The following BRD8 variants were observed in gnomAD, a reference collection of about 807,000 sequenced individuals.
BRD8 encodes bromodomain containing 8, also known as bromodomain-containing protein 8.
Under a neutral mutation model 143.1 loss-of-function variants are expected in BRD8, and 67 were observed. That is an observed-to-expected ratio of 0.47 (90% CI 0.38 to 0.57). BRD8 has a LOEUF of 0.57. Among genes scored for constraint, BRD8 ranks in the 20% least tolerant of loss-of-function variants. The pLI, the probability that BRD8 is intolerant of heterozygous loss-of-function variation, is 0.00. For missense variants in BRD8, 1,103 were observed against 1,503.0 expected (o/e 0.73, Z 4.40); for synonymous variants, 505 against 517.1 (o/e 0.98, Z 0.32).
chr5:138,171,338 G>C (rs770527839), intron 4 of BRD8, 23 bp downstream of exon 4: 7 of 1,590,350 alleles, frequency 4.4e-6, no homozygotes, highest in Non-Finnish European at 6.0e-6. Context: ...AAATATGGCT[G>C]AAGTACCTGG....
chr5:138,169,057 T>C (rs1430829406), intron 8 of BRD8, among the ~76,000 whole-genome samples, 165 bp downstream of exon 8: 2 of 152,264 alleles, frequency 1.3e-5, no homozygotes, highest in African/African-American at 4.8e-5. Flanking sequence ...TCAATGCTTT[T>C]AGGTCCGTTC....
Position 138,163,194 on chromosome 5 carries a change from T to C in BRD8, c.2023A>G (p.Asn675Asp), listed in dbSNP as rs1408218437. 6.2e-7 allele frequency: 1 copy of C among 1,613,944 alleles called. No individual in the cohort carries two copies. The highest frequency in any genetic ancestry group is 8.5e-7 in the Non-Finnish European group (1 of 1,180,032). The change falls in exon 15 of 27, where the codon AAT (asparagine) becomes GAT (aspartate). Residue 675 changes from asparagine (N) to aspartate (D), a missense_variant. Asn to Asp is a conservative substitution (Grantham distance 23). Coordinates refer to ENST00000254900, the MANE Select transcript of BRD8 (RefSeq NM_139199.2). ...AGTGTGTGTGACTGCAGTGTAGCAT[T>C]GTGTATGCTGAAGCCATCATCACTC... ...SESDDGFSIH[N>D]ATLQSHTLAD...
At chr5:138,165,556 C>G (rs1013969560) in intron 11 of BRD8, among the ~76,000 whole-genome samples, 1 of 152,070 alleles carries the variant, frequency 6.6e-6, no homozygotes, top group Non-Finnish European at 1.5e-5. Flanking sequence ...TAAAACTCAT[C>G]TCTACTAAAA....
chr5:138,157,114 G>A (rs967944352), intron 20 of BRD8: 1 of 1,590,362 alleles, frequency 6.3e-7, no homozygotes, highest in South Asian at 1.1e-5. Flanking sequence ...CTCCTCTTCT[G>A]TAACTTCCAC....
Position 138,144,914 on chromosome 5 carries a change from A to AT in BRD8, c.3437+262_3437+263insA, listed in dbSNP as rs1300352644. On this transcript the variant is annotated intron_variant, in intron 25 of 26. Coordinates refer to ENST00000254900, the MANE Select transcript of BRD8 (RefSeq NM_139199.2). ...AGACCCTGTCAAAAAAAAAAAAAAA[A>AT]AAAAATATATATATATATAGAATGG... is the stretch of plus-strand genomic sequence containing the variant. Among the ~76,000 whole-genome samples, 791 of 142,670 alleles carry AT rather than the reference A, an allele frequency of 5.5e-3. 2 individuals are homozygous for AT. The highest frequency in any genetic ancestry group is 0.015 in the Middle Eastern group (4 of 272). 93.6% of individuals were successfully genotyped at this position (142,670 alleles called of 152,430 possible).
intron 4 of BRD8, 38 bp from the exon 5 acceptor site, chr5:138,171,198 A>C: frequency 6.3e-7 from 1 of 1,586,490 alleles, no homozygotes; most frequent in Non-Finnish European, 8.6e-7. Flanking sequence ...ATATTCAAAT[A>C]ACATAACATT....
chr5:138,155,073 C>T (rs1026873639), intron 20 of BRD8, among the ~76,000 whole-genome samples: 6 of 152,148 alleles, frequency 3.9e-5, no homozygotes, highest in East Asian at 2.0e-4. Flanking sequence ...TCAAGTGATC[C>T]GCCCACCTTG....
rs754201802 is a variant in BRD8 at position 138,152,466 on chromosome 5, AAG to A, written c.2856+14_2856+15del. The A allele has an allele frequency of 6.2e-6, 10 of 1,611,432 alleles. No homozygotes were observed. In the African/African-American group the frequency reaches 1.3e-4, roughly 22 times the overall value. On this transcript the variant is annotated intron_variant, in intron 21 of 26. Coordinates refer to ENST00000254900, the MANE Select transcript of BRD8 (RefSeq NM_139199.2). Reference sequence around the variant, plus strand: ...TTGAGGCTTTTCCAGCTTTGGAAATAAGAGCTCACTGTTACCTCAGAGAGAAA... The same window carrying A: ...TTGAGGCTTTTCCAGCTTTGGAAATAAGCTCACTGTTACCTCAGAGAGAAA...
chr5:138,165,235 C>A, intron 11 of BRD8, 69 bp from the exon 12 acceptor site: 1 of 1,499,094 alleles, frequency 6.7e-7, no homozygotes, highest in Non-Finnish European at 9.0e-7. Context: ...TTTGTTAGCA[C>A]CAAATGTGAT....
intron 25 of BRD8, 84 bp downstream of exon 25, chr5:138,145,092 TA>T: frequency 1.5e-6 from 2 of 1,376,234 alleles, no homozygotes; most frequent in Non-Finnish European, 2.0e-6. Context: ...TTGTAAGTTA[TA>T]AAAATAATCT....
In BRD8 at chr5:138,152,686, C is replaced by A. The variant is rs1189213520; in HGVS notation, c.2652G>T (p.Arg884Ser). The A allele has an allele frequency of 6.2e-6, 10 of 1,614,208 alleles. No individual in the cohort carries two copies. The highest frequency in any genetic ancestry group is 7.6e-6 in the Non-Finnish European group (9 of 1,180,040). ...TGGAGTCCCATGAGCTGAAGAGGGACCTGCAGTCATTGCTCAACTCAGAGT... is the reference window on the plus strand; with the variant it reads ...TGGAGTCCCATGAGCTGAAGAGGGAACTGCAGTCATTGCTCAACTCAGAGT... ...PNDSELSNDC[R>S]SLFSSWDSSL... The change falls in exon 21 of 27, where the codon AGG becomes AGT. Residue 884 changes from arginine (R) to serine (S), a missense_variant. Arg to Ser is a moderately radical substitution (Grantham distance 110, BLOSUM62 -1). Transcript: ENST00000254900.
chr5:138,164,153 T>G lies in BRD8; in HGVS notation c.1826-20A>C. On this transcript the variant is annotated intron_variant, in intron 13 of 26. Transcript: ENST00000254900. The stretch of plus-strand genomic sequence containing the variant: ...ATGAGTCTGCAGAGGAGAGAAAGAC[T>G]ACCTGAAGATTTTTCCACCTTAGCC... 1 of 1,613,452 alleles carries G rather than the reference T, an allele frequency of 6.2e-7. No individual in the cohort carries two copies. The highest frequency in any genetic ancestry group is 8.5e-7 in the Non-Finnish European group (1 of 1,179,458).
intron 15 of BRD8, among the ~76,000 whole-genome samples, chr5:138,162,481 C>A (rs1323649760): frequency 6.6e-6 from 1 of 151,964 alleles, no homozygotes; most frequent in Non-Finnish European, 1.5e-5. Context: ...CAGGTGTGAG[C>A]CACTATGCCC....
At chr5:138,169,823 G>A (rs749321070) in intron 7 of BRD8, among the ~76,000 whole-genome samples, 5 of 152,192 alleles carry the variant, frequency 3.3e-5, no homozygotes, top group Admixed American at 6.5e-5. Context: ...GCTAGGTGTG[G>A]TGGCAGCCGC....
At chr5:138,151,894 G>A (rs769609790) in intron 21 of BRD8, among the ~76,000 whole-genome samples, 23 of 149,262 alleles carry the variant, frequency 1.5e-4, no homozygotes, top group African/African-American at 4.7e-4. Flanking sequence ...TCGCTCTGTC[G>A]CCCAGGCTGG....
At chr5:138,164,477 ATTC>A (rs1475554265) in intron 12 of BRD8, 64 bp from the exon 13 acceptor site, 1 of 1,483,660 alleles carries the variant, frequency 6.7e-7, no homozygotes, top group Non-Finnish European at 9.4e-7. Flanking sequence ...ACACAACTTT[ATTC>A]TTCAGTGATA....
At chr5:138,174,668 T>C (rs6888877) in intron 2 of BRD8, among the ~76,000 whole-genome samples, 108,046 of 151,770 alleles carry the variant, frequency 0.71, 39,558 homozygotes, top group African/African-American at 0.89. Flanking sequence ...GAGATGTGAC[T>C]TTTCTTACCA....
At position 138,159,558 on chromosome 5, in the gene BRD8, G is replaced by A. The variant is rs755822679; in HGVS notation, c.2574C>T (p.Leu858=). The change falls in exon 20 of 27, where the codon CTC becomes CTT. Residue 858 remains leucine (L), a synonymous_variant. Coordinates refer to ENST00000254900, the MANE Select transcript of BRD8 (RefSeq NM_139199.2). ...CTTGCAGCCATTCAATACTTACAAA[G>A]AGAGAGAGAAGGAAGGCAGGAGAGC... ...PMGSPAFLLS[L]FMGHEWVWLD... is the part of the protein sequence containing the mutation. 85 of 1,611,990 alleles carry A rather than the reference G, an allele frequency of 5.3e-5. No individual in the cohort carries two copies. In the South Asian group the frequency reaches 8.9e-4, roughly 17 times the overall value.
intron 11 of BRD8, among the ~76,000 whole-genome samples, chr5:138,165,503 A>C (rs1421830768): frequency 6.6e-6 from 1 of 152,164 alleles, no homozygotes; most frequent in African/African-American, 2.4e-5. Flanking sequence ...AGGTGGGTGG[A>C]TCACTTGAGG....
Sources: gnomAD v4.1 joint callset for allele counts (sites outside exome capture counted in the v4.1 genomes callset) on GRCh38, gnomAD v4.1.1 for gene constraint, MANE v1.5 for transcripts, NCBI Gene and HGNC (gene_info 2026-07-23, HGNC 2026-07-21) for gene names.